Variants in KSR2 observed in about 807,000 individuals in gnomAD.
KSR2 encodes kinase suppressor of ras 2.
Under a neutral mutation model 107.8 loss-of-function variants are expected in KSR2, and 25 were observed. That is an observed-to-expected ratio of 0.23 (90% CI 0.17 to 0.32). KSR2 has a LOEUF of 0.32. Ranked by LOEUF, KSR2 falls within the 10% of genes least tolerant of loss-of-function variation. KSR2 has a pLI of 1.00. For missense variants in KSR2, 887 were observed against 1,268.9 expected (o/e 0.70, Z 4.57); for synonymous variants, 480 against 507.0 (o/e 0.95, Z 0.71).
At chr12:117,866,055 G>GA (rs1893460318) in intron 1 of KSR2, among the ~76,000 whole-genome samples, 2 of 72,776 alleles carry the variant, frequency 2.7e-5, no homozygotes, top group African/African-American at 1.3e-4. Context: ...TTTTTTTTTT[G>GA]AAACAAATTC....
At chr12:117,802,311 C>T (rs1890860169) in intron 3 of KSR2, among the ~76,000 whole-genome samples, 1 of 152,098 alleles carries the variant, frequency 6.6e-6, no homozygotes. Context: ...ATAAGGACCT[C>T]TGGGATGACT....
chr12:117,574,026 A>C (rs1482813004), intron 7 of KSR2, among the ~76,000 whole-genome samples: 2 of 152,116 alleles, frequency 1.3e-5, no homozygotes, highest in African/African-American at 4.8e-5. Flanking sequence ...ATAAAGCTTG[A>C]TTTTGTTTTT....
rs1173859603 is a variant in KSR2, at chr12:117,761,174, C to G, written c.823G>C (p.Gly275Arg). Residue 275 changes from glycine (G) to arginine (R), a missense_variant, in exon 4 of 20, where the codon GGC becomes CGC. Gly to Arg is a moderately radical substitution (Grantham distance 125, BLOSUM62 -2). Coordinates refer to ENST00000339824, the MANE Select transcript of KSR2 (RefSeq NM_173598.6). ...PNIVTTVTPP[G>R]TPPMRKKNKL... is the part of the protein sequence containing the mutation. ...TTCTTCTTCCTCATGGGCGGCGTGC[C>G]CGGCGGGGTCACGGTGGTGACGATG... 1.2e-6 allele frequency: 2 copies of G among 1,600,948 alleles called. No individual in the cohort carries two copies. Among genetic ancestry groups the G allele is most frequent in the South Asian group, 2.2e-5 (2 of 89,708 alleles).
intron 4 of KSR2, among the ~76,000 whole-genome samples, chr12:117,696,715 C>CATT (rs1886074932): frequency 1.3e-5 from 2 of 152,312 alleles, no homozygotes; most frequent in East Asian, 3.9e-4. Context: ...CTATTATGTT[C>CATT]ATTAATGAGT....
At chr12:117,758,499 C>T (rs1184595830) in intron 4 of KSR2, among the ~76,000 whole-genome samples, 4 of 152,180 alleles carry the variant, frequency 2.6e-5, no homozygotes, top group African/African-American at 9.7e-5. Context: ...TGAACCACAG[C>T]ATCCCCCAAG....
At chr12:117,603,182 TATG>T (rs567373344) in intron 5 of KSR2, among the ~76,000 whole-genome samples, 260 of 151,704 alleles carry the variant, frequency 1.7e-3, no homozygotes, top group Non-Finnish European at 2.9e-3. Flanking sequence ...CAAATAGAAA[TATG>T]ATAAGAAATT....
intron 4 of KSR2, among the ~76,000 whole-genome samples, chr12:117,728,379 C>T (rs543292096): frequency 2.2e-4 from 33 of 152,182 alleles, no homozygotes; most frequent in Non-Finnish European, 4.3e-4. Context: ...CACCTGTGCT[C>T]GCTATGGTTA....
At chr12:117,682,230 G>A (rs1326301296) in intron 4 of KSR2, among the ~76,000 whole-genome samples, 6 of 152,070 alleles carry the variant, frequency 3.9e-5, no homozygotes, top group Admixed American at 2.0e-4. Context: ...AGAACATGTA[G>A]ACACAGGGAA....
At chr12:117,839,989 A>C (rs557640052) in intron 3 of KSR2, among the ~76,000 whole-genome samples, 34 of 152,350 alleles carry the variant, frequency 2.2e-4, no homozygotes, top group Middle Eastern at 3.4e-3. Context: ...AAAATGCAGA[A>C]GGGCAAAAGA....
chr12:117,654,208 A>C (rs1884027135), intron 5 of KSR2, among the ~76,000 whole-genome samples: 1 of 152,216 alleles, frequency 6.6e-6, no homozygotes, highest in African/African-American at 2.4e-5. Flanking sequence ...TGTAGCCATA[A>C]AGTGAGTCGT....
rs147088492 is a variant in KSR2 at position 117,934,287 on chromosome 12, A to G, written c.180+33789T>C. Among the ~76,000 whole-genome samples the G allele has an allele frequency of 1.5e-3, 232 of 152,222 alleles. 1 individual carries two copies. In the East Asian group the frequency reaches 0.023, roughly 15 times the overall value. ...TCCCTGGCTCCAGAACTGACCCATG[A>G]CAACACCGCTCCCTTTTGACTCCAG... On this transcript the variant is annotated intron_variant, in intron 1 of 19. Coordinates refer to ENST00000339824, the MANE Select transcript of KSR2 (RefSeq NM_173598.6).
At chr12:117,567,916 G>C (rs1878626432) in intron 7 of KSR2, among the ~76,000 whole-genome samples, 1 of 151,578 alleles carries the variant, frequency 6.6e-6, no homozygotes, top group South Asian at 2.1e-4. Context: ...TTGAGCCAGT[G>C]CTTCTAGAAA....
chr12:117,511,827 C>A (rs1428880407), intron 14 of KSR2, among the ~76,000 whole-genome samples: 6 of 152,322 alleles, frequency 3.9e-5, no homozygotes. Context: ...ACTGCTCAGT[C>A]CCCAGAGAGG....
chr12:117,933,074 T>A (rs143130485), intron 1 of KSR2, among the ~76,000 whole-genome samples: 1 of 152,242 alleles, frequency 6.6e-6, no homozygotes, highest in African/African-American at 2.4e-5. Flanking sequence ...ATACTAGTGA[T>A]GTCTACCATT....
At chr12:117,742,693 T>C (rs1023910892) in intron 4 of KSR2, among the ~76,000 whole-genome samples, 9 of 152,236 alleles carry the variant, frequency 5.9e-5, no homozygotes, top group Non-Finnish European at 1.3e-4. Flanking sequence ...TCTGAAATAA[T>C]GTCAAAAACA....
intron 1 of KSR2, among the ~76,000 whole-genome samples, chr12:117,955,493 T>C (rs960347507): frequency 6.6e-6 from 1 of 152,094 alleles, no homozygotes; most frequent in African/African-American, 2.4e-5. Flanking sequence ...GCTAGTTAAG[T>C]CCTGAACCAA....
At chr12:117,924,087 A>G (rs1593372784) in intron 1 of KSR2, among the ~76,000 whole-genome samples, 1 of 151,500 alleles carries the variant, frequency 6.6e-6, no homozygotes, top group South Asian at 2.1e-4. Flanking sequence ...CATGTTGGTC[A>G]GGCTGGTCTC....
chr12:117,528,518 G>A (rs532151900), intron 12 of KSR2, among the ~76,000 whole-genome samples: 1 of 152,230 alleles, frequency 6.6e-6, no homozygotes, highest in Non-Finnish European at 1.5e-5. Flanking sequence ...ACTCCACAGA[G>A]TCAATCCACT....
chr12:117,608,547 C>T (rs896547547), intron 5 of KSR2, among the ~76,000 whole-genome samples: 10 of 152,126 alleles, frequency 6.6e-5, no homozygotes, highest in African/African-American at 1.4e-4. Context: ...CCTCTCTCAT[C>T]GGCACCTGAG....
Sources: allele counts gnomAD v4.1 joint callset (sites outside exome capture counted in the v4.1 genomes callset), GRCh38; gene constraint gnomAD v4.1.1; transcripts MANE v1.5; gene names NCBI Gene and HGNC (gene_info 2026-07-23, HGNC 2026-07-21).